Variants in CHKA observed in about 807,000 individuals in gnomAD.
CHKA encodes the protein choline kinase alpha.
CHKA carries 34 observed loss-of-function variants against 60.1 expected under a neutral mutation model. The ratio of observed to expected loss-of-function variants is 0.57; its 90% confidence interval spans 0.43 to 0.75. CHKA has a LOEUF of 0.75. CHKA is among the 30% of genes least tolerant of loss of function. CHKA has a pLI of 0.00. For missense variants in CHKA, 563 were observed against 561.3 expected, an observed-to-expected ratio of 1.00 and a Z score of -0.03; for synonymous variants, 217 against 223.1, an observed-to-expected ratio of 0.97 and a Z score of 0.24.
chr11:68,076,494 T>A (rs1270592708), intron 3 of CHKA, among the ~76,000 whole-genome samples: 1 of 152,072 alleles, frequency 6.6e-6, no homozygotes, highest in East Asian at 1.9e-4. Flanking sequence ...CTCCTCCAAG[T>A]CTCTGCTTAG....
Position 68,105,469 on chromosome 11 carries a change from C to T in CHKA, c.351-8339G>A, listed in dbSNP as rs930436828. On this transcript the variant is annotated intron_variant, in intron 1 of 11. Coordinates refer to ENST00000265689, the MANE Select transcript of CHKA (RefSeq NM_001277.3). The stretch of plus-strand genomic sequence containing the variant: ...GGAGGAGGTTGCAGTGAGCCGAAAT[C>T]GGGCCACTGTACTCCAGCCTGGGCA... Among the ~76,000 whole-genome samples the T allele has an allele frequency of 4.2e-5, 5 of 119,378 alleles. No homozygotes were observed. The Admixed American group carries it at 6.1e-4, about 15-fold the overall frequency. 78.3% of individuals were successfully genotyped at this position (119,378 alleles called of 152,430 possible).
chr11:68,112,053 CAAAAAAAAAAAA>C (rs754639082), intron 1 of CHKA, among the ~76,000 whole-genome samples: 2 of 20,900 alleles, frequency 9.6e-5, no homozygotes, highest in South Asian at 3.1e-3. Context: ...AACTCCGTCT[CAAAAAAAAAAAA>C]AAAAAAAAAA....
In CHKA at chr11:68,109,322, C is replaced by A. The variant is rs187349197; in HGVS notation, c.350+11506G>T. On this transcript the variant is annotated intron_variant, in intron 1 of 11. Transcript: ENST00000265689. Reference sequence around the variant, plus strand: ...GCCAGGATGGTCTCGATCTCCTGACCTCGTGATCCTCCCGCCTCAGGCTCC... The same window carrying A: ...GCCAGGATGGTCTCGATCTCCTGACATCGTGATCCTCCCGCCTCAGGCTCC... Among the ~76,000 whole-genome samples the A allele has an allele frequency of 1.2e-3, 176 of 152,166 alleles. 1 individual carries two copies. The Middle Eastern group carries it at 0.02, about 18-fold the overall frequency.
chr11:68,066,659 A>G, intron 7 of CHKA, 143 bp from the exon 8 acceptor site: 1 of 685,576 alleles, frequency 1.5e-6, no homozygotes, highest in Non-Finnish European at 2.5e-6. Context: ...ACCAGGGCCT[A>G]GACAGAGCGT....
chr11:68,069,241 C>A (rs1332797930), intron 6 of CHKA, among the ~76,000 whole-genome samples: 1 of 152,158 alleles, frequency 6.6e-6, no homozygotes, highest in African/African-American at 2.4e-5. Flanking sequence ...GTGACCCAAG[C>A]AGGTCCTCCT....
At chr11:68,061,124 TGAGACAGA>T (rs1856231476) in intron 11 of CHKA, among the ~76,000 whole-genome samples, 1 of 122,328 alleles carries the variant, frequency 8.2e-6, no homozygotes, top group African/African-American at 3.2e-5. Context: ...TTTTTTTTTT[TGAGACAGA>T]ATCTTGTTCT....
intron 1 of CHKA, among the ~76,000 whole-genome samples, chr11:68,113,110 A>AAAAAAC: frequency 7.1e-6 from 1 of 140,792 alleles, no homozygotes; most frequent in Non-Finnish European, 1.5e-5. Context: ...AAAAAAAAAA[A>AAAAAAC]GAAGCTGTGG....
chr11:68,059,393 C>T (rs183532546), intron 11 of CHKA, among the ~76,000 whole-genome samples: 16 of 152,236 alleles, frequency 1.1e-4, no homozygotes, highest in Non-Finnish European at 2.2e-4. Flanking sequence ...TATAAACCAG[C>T]CTTGCATTCC....
intron 3 of CHKA, among the ~76,000 whole-genome samples, chr11:68,077,289 A>G (rs1418545169): frequency 1.3e-5 from 2 of 152,152 alleles, no homozygotes; most frequent in Non-Finnish European, 2.9e-5. Context: ...AAGAAAAATG[A>G]CAGGTTAAGG....
intron 3 of CHKA, 77 bp downstream of exon 3, chr11:68,081,327 G>T: frequency 8.3e-7 from 1 of 1,211,514 alleles, no homozygotes; most frequent in Non-Finnish European, 1.2e-6. Context: ...AAGAGGCACT[G>T]CCAAGCCCTG....
intron 11 of CHKA, among the ~76,000 whole-genome samples, chr11:68,056,829 GT>G (rs1856036313): frequency 6.6e-6 from 1 of 151,950 alleles, no homozygotes; most frequent in Admixed American, 6.6e-5. Context: ...GGGCAACACA[GT>G]GAGACCCTGT....
intron 1 of CHKA, among the ~76,000 whole-genome samples, chr11:68,116,964 A>T (rs867679570): frequency 6.6e-5 from 10 of 152,116 alleles, no homozygotes; most frequent in Non-Finnish European, 1.5e-4. Context: ...TAAAAATGAC[A>T]ATTTCTACAC....
intron 2 of CHKA, among the ~76,000 whole-genome samples, chr11:68,091,357 TG>T (rs1460561510): frequency 6.6e-6 from 1 of 152,258 alleles, no homozygotes; most frequent in Non-Finnish European, 1.5e-5. Flanking sequence ...TATACTCACA[TG>T]CATTAAGATC....
chr11:68,098,481 A>T (rs932734827), intron 1 of CHKA, among the ~76,000 whole-genome samples: 22 of 152,086 alleles, frequency 1.4e-4, no homozygotes, highest in Non-Finnish European at 2.5e-4. Context: ...ATTAATTTTT[A>T]AAAATAAGGG....
intron 9 of CHKA, 22 bp downstream of exon 9, chr11:68,065,764 T>C (rs906807503): frequency 1.4e-6 from 2 of 1,440,108 alleles, no homozygotes; most frequent in Non-Finnish European, 1.9e-6. Context: ...TCCTATCAAG[T>C]ATACAAAAAC....
chr11:68,056,271 T>C (rs1028561709), intron 11 of CHKA, among the ~76,000 whole-genome samples: 1 of 152,214 alleles, frequency 6.6e-6, no homozygotes, highest in Non-Finnish European at 1.5e-5. Flanking sequence ...CCCTGGCTCA[T>C]AACTCCCATA....
intron 2 of CHKA, 53 bp from the exon 3 acceptor site, chr11:68,081,510 AC>A: frequency 7.0e-7 from 1 of 1,435,310 alleles, no homozygotes; most frequent in Non-Finnish European, 9.8e-7. Context: ...CACTAAACAG[AC>A]ACTAACTTTG....
At chr11:68,104,293 T>C (rs1162691724) in intron 1 of CHKA, among the ~76,000 whole-genome samples, 4 of 151,962 alleles carry the variant, frequency 2.6e-5, no homozygotes, top group Admixed American at 6.6e-5. Flanking sequence ...GTTGATCTCA[T>C]AGAAGTTGAG....
intron 1 of CHKA, among the ~76,000 whole-genome samples, chr11:68,104,472 G>C (rs1857842578): frequency 6.6e-6 from 1 of 152,022 alleles, no homozygotes; most frequent in Non-Finnish European, 1.5e-5. Flanking sequence ...CCAGGCTGGA[G>C]TGCAATGGTG....
Sources: gnomAD v4.1 joint callset for allele counts (sites outside exome capture counted in the v4.1 genomes callset) on GRCh38, gnomAD v4.1.1 for gene constraint, MANE v1.5 for transcripts, NCBI Gene and HGNC (gene_info 2026-07-23, HGNC 2026-07-21) for gene names.